The following FGD3 variants were observed in gnomAD, a reference collection of about 807,000 sequenced individuals.
The protein encoded by FGD3 is FYVE, RhoGEF and PH domain containing 3, also known as FYVE, RhoGEF and PH domain-containing protein 3.
A neutral mutation model predicts 71.8 loss-of-function variants in FGD3; 45 were observed. That is an observed-to-expected ratio of 0.63 (90% CI 0.49 to 0.80). The LOEUF (loss-of-function observed/expected upper bound fraction) is 0.80. Among genes scored for constraint, FGD3 ranks in the 30% least tolerant of loss-of-function variants. The probability of loss-of-function intolerance (pLI) is 0.00; values close to 1 mark genes in which losing one functional copy is unlikely to be tolerated. For missense variants in FGD3, 844 were observed against 951.5 expected (o/e 0.89, Z 1.49); for synonymous variants, 378 against 392.8 (o/e 0.96, Z 0.44).
At chr9:92,975,055 G>A (rs1417265104) in intron 1 of FGD3, among the ~76,000 whole-genome samples, 183 bp from the exon 2 acceptor site, 1 of 152,252 alleles carries the variant, frequency 6.6e-6, no homozygotes, top group Non-Finnish European at 1.5e-5. Flanking sequence ...TGGAGGCATT[G>A]TGTGCCAGCC....
At chr9:93,031,046 ATGAG>A (rs1386807043) in intron 15 of FGD3, among the ~76,000 whole-genome samples, 2 of 151,654 alleles carry the variant, frequency 1.3e-5, no homozygotes, top group East Asian at 1.9e-4. Context: ...GGATGAATGA[ATGAG>A]TGGATAATGA....
At chr9:92,965,038 G>A (rs1273709436) in intron 1 of FGD3, among the ~76,000 whole-genome samples, 1 of 152,236 alleles carries the variant, frequency 6.6e-6, no homozygotes, top group African/African-American at 2.4e-5. Flanking sequence ...GCTGTGCCTG[G>A]CAGTGTGGGA....
chr9:92,995,540 C>G (rs1860604411), intron 3 of FGD3, among the ~76,000 whole-genome samples: 1 of 152,122 alleles, frequency 6.6e-6, no homozygotes, highest in African/African-American at 2.4e-5. Context: ...AGAGGGCATC[C>G]CTGTTTTATG....
intron 15 of FGD3, among the ~76,000 whole-genome samples, chr9:93,031,464 G>A (rs1035650100): frequency 6.6e-6 from 1 of 152,224 alleles, no homozygotes; most frequent in African/African-American, 2.4e-5. Context: ...CTGCATCTCC[G>A]TGTCAGCCTG....
chr9:93,035,213 G>A (rs1474299802), intron 17 of FGD3, 125 bp from the exon 18 acceptor site: 24 of 1,375,036 alleles, frequency 1.7e-5, no homozygotes, highest in Non-Finnish European at 2.1e-5. Context: ...CAGACCCCTC[G>A]GGCTCAGCAC....
chr9:92,958,368 C>T (rs931901634), intron 1 of FGD3, among the ~76,000 whole-genome samples: 1 of 152,132 alleles, frequency 6.6e-6, no homozygotes, highest in Non-Finnish European at 1.5e-5. Flanking sequence ...CAGAGATTTC[C>T]CATATATTCC....
At chr9:92,950,860 C>T (rs572961117) in intron 1 of FGD3, among the ~76,000 whole-genome samples, 1 of 152,204 alleles carries the variant, frequency 6.6e-6, no homozygotes, top group Admixed American at 6.5e-5. Context: ...ACAGTGCTGC[C>T]CTTTCTGCCT....
At chr9:93,004,479 T>C (rs1564158365) in intron 5 of FGD3, among the ~76,000 whole-genome samples, 1 of 152,212 alleles carries the variant, frequency 6.6e-6, no homozygotes, top group South Asian at 2.1e-4. Context: ...TCCTAGCTTA[T>C]ACTCCACCTT....
At chr9:92,979,954 CT>C (rs577038256) in intron 3 of FGD3, among the ~76,000 whole-genome samples, 97 of 143,308 alleles carry the variant, frequency 6.8e-4, no homozygotes, top group Middle Eastern at 3.6e-3. Context: ...CTCTCTCTCT[CT>C]TTTTTTTTTT....
In FGD3 at chr9:93,006,014, C is replaced by A; in HGVS notation, c.681-10C>A. 1 of 1,588,656 alleles carries A rather than the reference C, an allele frequency of 6.3e-7. No homozygotes were observed. ...CAGCTATTTCTCTGATGATTCATTTCTCCACGAAGGGACACAAACCCACGG... is the reference window on the plus strand; with the variant it reads ...CAGCTATTTCTCTGATGATTCATTTATCCACGAAGGGACACAAACCCACGG... On this transcript the variant is annotated splice_polypyrimidine_tract_variant and intron_variant, in intron 5 of 17. Transcript: ENST00000375482.
intron 17 of FGD3, 138 bp from the exon 18 acceptor site, chr9:93,035,200 C>T: frequency 7.9e-7 from 1 of 1,271,902 alleles, no homozygotes; most frequent in African/African-American, 1.5e-5. Flanking sequence ...CAGGCACAGC[C>T]ACCAGACCCC....
At chr9:93,004,207 A>G in intron 5 of FGD3, 70 bp downstream of exon 5, 2 of 1,581,514 alleles carry the variant, frequency 1.3e-6, no homozygotes, top group Admixed American at 1.7e-5. Flanking sequence ...TGTGCCTGAG[A>G]GCGAGGCAAG....
At chr9:92,984,341 C>T (rs1860110316) in intron 3 of FGD3, among the ~76,000 whole-genome samples, 1 of 152,222 alleles carries the variant, frequency 6.6e-6, no homozygotes, top group African/African-American at 2.4e-5. Flanking sequence ...TTCTTTATAA[C>T]CTTCCTTACC....
intron 5 of FGD3, 88 bp from the exon 6 acceptor site, chr9:93,005,936 C>T (rs1268300091): frequency 6.9e-7 from 1 of 1,458,878 alleles, no homozygotes; most frequent in African/African-American, 1.4e-5. Flanking sequence ...GCCTCCACCC[C>T]ACACCCCCCT....
At chr9:92,964,947 A>T (rs1587814196) in intron 1 of FGD3, among the ~76,000 whole-genome samples, 1 of 152,210 alleles carries the variant, frequency 6.6e-6, no homozygotes, top group East Asian at 1.9e-4. Context: ...TGCAGGTTAG[A>T]TATTAGCAGA....
intron 1 of FGD3, among the ~76,000 whole-genome samples, chr9:92,955,717 CT>C (rs199571764): frequency 0.012 from 1,863 of 152,290 alleles, 23 homozygotes; most frequent in Non-Finnish European, 0.021. Flanking sequence ...TCCTGTGGCC[CT>C]TTGATGTCCA....
intron 1 of FGD3, among the ~76,000 whole-genome samples, chr9:92,951,745 T>C (rs1449992288): frequency 6.6e-6 from 1 of 152,182 alleles, no homozygotes; most frequent in Non-Finnish European, 1.5e-5. Flanking sequence ...AGCACACTCA[T>C]GTTCTTGGTC....
Position 92,976,314 on chromosome 9 carries a change from C to A in FGD3, c.58C>A (p.Pro20Thr). The A allele has an allele frequency of 1.9e-6, 3 of 1,610,226 alleles. No individual in the cohort carries two copies. The highest frequency in any genetic ancestry group is 2.5e-6 in the Non-Finnish European group (3 of 1,178,302). The change falls in exon 3 of 18, where the codon CCA (proline) becomes ACA (threonine). Residue 20 changes from proline (P) to threonine (T), a missense_variant. Pro to Thr is a conservative substitution (Grantham distance 38, BLOSUM62 -1). Transcript: ENST00000375482. Reference protein sequence around the residue: ...PPGPIAALGMPDTGPGSSSLG... With the variant: ...PPGPIAALGMTDTGPGSSSLG... ...AGGACCCATTGCTGCCCTAGGGATG[C>A]CAGACACTGGGCCTGGCAGTTCCTC...
At chr9:92,980,383 A>G (rs1296335007) in intron 3 of FGD3, among the ~76,000 whole-genome samples, 1 of 152,054 alleles carries the variant, frequency 6.6e-6, no homozygotes, top group Non-Finnish European at 1.5e-5. Context: ...CAAAAAACCA[A>G]CTTTTCATGT....
Sources: allele counts gnomAD v4.1 joint callset (sites outside exome capture counted in the v4.1 genomes callset), GRCh38; gene constraint gnomAD v4.1.1; transcripts MANE v1.5; gene names NCBI Gene and HGNC (gene_info 2026-07-23, HGNC 2026-07-21).